The following FRMPD1 variants were observed in gnomAD, a reference collection of about 807,000 sequenced individuals.
FRMPD1 encodes the protein FERM and PDZ domain containing 1.
Under a neutral mutation model 117.8 loss-of-function variants are expected in FRMPD1, and 76 were observed. That is an observed-to-expected ratio of 0.65 (90% CI 0.54 to 0.78). The LOEUF (loss-of-function observed/expected upper bound fraction) is 0.78. Ranked by LOEUF, FRMPD1 falls within the 30% of genes least tolerant of loss-of-function variation. The pLI is 0.00. For missense variants in FRMPD1, 1,786 were observed against 1,964.5 expected (o/e 0.91, Z 1.72); for synonymous variants, 783 against 770.4 (o/e 1.02, Z -0.27).
At chr9:37,703,189 G>C (rs1319283981) in intron 2 of FRMPD1, among the ~76,000 whole-genome samples, 5 of 152,158 alleles carry the variant, frequency 3.3e-5, no homozygotes, top group African/African-American at 1.2e-4. Context: ...TCATGGTACA[G>C]GTTCACCAAT....
At position 37,745,877 on chromosome 9, in the gene FRMPD1, G is replaced by A. The variant is rs745776538; in HGVS notation, c.3845G>A (p.Ser1282Asn). The stretch of plus-strand genomic sequence containing the variant: ...CATTGCTTACTCTCAGAAGGCAAAA[G>A]TGACAGCTCTAGCATCTGCCTTTCT... Reference protein sequence around the residue: ...SNHCLLSEGKSDSSSICLSAE... With the variant: ...SNHCLLSEGKNDSSSICLSAE... Residue 1282 changes from serine to asparagine, a missense_variant, in exon 16 of 16, where the codon AGT becomes AAT. Transcript: ENST00000377765. 10 of 1,614,242 alleles carry A rather than the reference G, an allele frequency of 6.2e-6. No individual in the cohort carries two copies. The South Asian group carries it at 1.1e-4, about 18-fold the overall frequency.
chr9:37,733,016 G>A (rs2026546), intron 10 of FRMPD1, among the ~76,000 whole-genome samples: 5 of 151,986 alleles, frequency 3.3e-5, no homozygotes, highest in African/African-American at 9.6e-5. Flanking sequence ...CCAATCTCTC[G>A]CAGCAGGGCC....
intron 12 of FRMPD1, 133 bp downstream of exon 12, chr9:37,733,958 G>A (rs898898441): frequency 1.4e-5 from 9 of 649,898 alleles, no homozygotes; most frequent in Non-Finnish European, 2.5e-5. Context: ...AAACTAAATA[G>A]TACACCACTG....
intron 7 of FRMPD1, among the ~76,000 whole-genome samples, chr9:37,727,195 G>A (rs1823652110): frequency 6.6e-6 from 1 of 152,080 alleles, no homozygotes; most frequent in South Asian, 2.1e-4. Context: ...TGGCCAGTGA[G>A]CCATCAAGAG....
chr9:37,678,928 C>T (rs1207687244), intron 1 of FRMPD1, among the ~76,000 whole-genome samples: 1 of 152,224 alleles, frequency 6.6e-6, no homozygotes, highest in African/African-American at 2.4e-5. Context: ...GTAGGCTACT[C>T]AGGCCCTGTG....
At chr9:37,626,622 G>A in the FRMPD1 span, among the ~76,000 whole-genome samples, 10 of 48,634 alleles carry the variant, frequency 2.1e-4, no homozygotes, top group African/African-American at 3.7e-4. Flanking sequence ...CCTGGTATCT[G>A]AAAAAAAAAA....
chr9:37,607,906 T>C, the FRMPD1 span, among the ~76,000 whole-genome samples: 25 of 152,228 alleles, frequency 1.6e-4, no homozygotes, highest in Non-Finnish European at 1.5e-5. Context: ...AATAAATTAA[T>C]AGACGATAGC....
At chr9:37,671,601 G>T (rs1453731656) in intron 1 of FRMPD1, among the ~76,000 whole-genome samples, 1 of 152,118 alleles carries the variant, frequency 6.6e-6, no homozygotes, top group Non-Finnish European at 1.5e-5. Context: ...AAAATACTGG[G>T]TACTGTGAAA....
At chr9:37,730,180 C>T (rs1294842821) in intron 8 of FRMPD1, among the ~76,000 whole-genome samples, 1 of 152,124 alleles carries the variant, frequency 6.6e-6, no homozygotes, top group African/African-American at 2.4e-5. Flanking sequence ...GATGATCTTC[C>T]CTTGCACCTG....
rs1450612909 is a variant in FRMPD1 at position 37,707,496 on chromosome 9, A to G, written c.182A>G (p.Asp61Gly). ...LIPVRHTVKI[D>G]KDTLLQDYGF... Reference sequence around the variant, plus strand: ...CCTGTGCGACACACAGTAAAGATAGACAAAGACACCCTCCTCCAGGACTAT... The same window carrying G: ...CCTGTGCGACACACAGTAAAGATAGGCAAAGACACCCTCCTCCAGGACTAT... The change falls in exon 3 of 16, where the codon GAC becomes GGC. Residue 61 changes from aspartate (D) to glycine (G), a missense_variant. Coordinates refer to ENST00000377765, the MANE Select transcript of FRMPD1 (RefSeq NM_014907.3). 6.2e-7 allele frequency: 1 copy of G among 1,614,046 alleles called. No homozygotes were observed. The highest frequency in any genetic ancestry group is 8.5e-7 in the Non-Finnish European group (1 of 1,179,908).
intron 1 of FRMPD1, among the ~76,000 whole-genome samples, chr9:37,656,766 T>G (rs144783770): frequency 6.6e-6 from 1 of 152,058 alleles, no homozygotes; most frequent in Non-Finnish European, 1.5e-5. Context: ...CAGATTGATA[T>G]GAGGGCAGAA....
chr9:37,614,552 A>G, the FRMPD1 span, among the ~76,000 whole-genome samples: 6 of 152,258 alleles, frequency 3.9e-5, no homozygotes, highest in African/African-American at 1.2e-4. Flanking sequence ...TTCCCAAAAA[A>G]CCTTCACAGT....
At chr9:37,662,080 G>A (rs1821018644) in intron 1 of FRMPD1, 1 of 152,212 alleles carries the variant, frequency 6.6e-6, no homozygotes, top group African/African-American at 2.4e-5. Context: ...CACAGACTGG[G>A]TATTTATAAT....
chr9:37,711,482 A>C, intron 5 of FRMPD1, 87 bp downstream of exon 5: 1 of 1,033,522 alleles, frequency 9.7e-7, no homozygotes, highest in Non-Finnish European at 1.5e-6. Context: ...CTCATAAAGT[A>C]AGCGGGGAAG....
rs1273903944 is a variant in FRMPD1, at chr9:37,746,347, TC to T, written c.4317del (p.Trp1440GlyfsTer37). 5.6e-6 allele frequency: 9 copies of T among 1,612,490 alleles called. No individual in the cohort carries two copies. The highest frequency in any genetic ancestry group is 1.3e-5 in the African/African-American group (1 of 74,910). ...GGAGCTACAAGACATTTTAGAAACT[TC>T]CTGGGGGGTTGGAAACAAACATCCC... ...LLELQDILET[S>X]WGVGNKHPPE... On this transcript the variant is annotated frameshift_variant, in exon 16 of 16. Transcript: ENST00000377765. LOFTEE classifies it high-confidence loss of function.
At chr9:37,647,510 CAAA>C (rs369681968), upstream of FRMPD1, among the ~76,000 whole-genome samples, 4 of 80,336 alleles carry the variant, frequency 5.0e-5, no homozygotes, top group Non-Finnish European at 7.7e-5. Flanking sequence ...GACTCCGTTT[CAAA>C]AAAAAAAAAA....
chr9:37,684,444 T>G (rs1363344137), intron 1 of FRMPD1, among the ~76,000 whole-genome samples: 1 of 152,260 alleles, frequency 6.6e-6, no homozygotes, highest in Non-Finnish European at 1.5e-5. Flanking sequence ...ATTACTATAA[T>G]TCTTGAGCTC....
the FRMPD1 span, among the ~76,000 whole-genome samples, chr9:37,624,208 T>G: frequency 2.6e-5 from 4 of 152,088 alleles, no homozygotes; most frequent in Non-Finnish European, 5.9e-5. Context: ...GAAGGACAAA[T>G]AAGGGAGCAG....
chr9:37,626,467 T>C, the FRMPD1 span, among the ~76,000 whole-genome samples: 1 of 140,636 alleles, frequency 7.1e-6, no homozygotes, highest in African/African-American at 2.7e-5. Flanking sequence ...ATTGTGCCAC[T>C]GCACTCCAGC....
Sources: gnomAD v4.1 joint callset for allele counts (sites outside exome capture counted in the v4.1 genomes callset) on GRCh38, gnomAD v4.1.1 for gene constraint, MANE v1.5 for transcripts, NCBI Gene and HGNC (gene_info 2026-07-23, HGNC 2026-07-21) for gene names.